Variants in BCAS3 observed in about 807,000 individuals in gnomAD.
The protein encoded by BCAS3 is BCAS4/BCAS3 fusion.
A neutral mutation model predicts 116.1 loss-of-function variants in BCAS3; 53 were observed. The ratio of observed to expected loss-of-function variants is 0.46; its 90% CI spans 0.37 to 0.57. The LOEUF (loss-of-function observed/expected upper bound fraction) is 0.57. Among genes scored for constraint, BCAS3 ranks in the 20% least tolerant of loss-of-function variants. BCAS3 has a pLI of 0.00. For synonymous variants in BCAS3, 391 were observed against 408.2 expected (o/e 0.96, Z 0.51); for missense variants, 917 against 1,165.4 (o/e 0.79, Z 3.10).
chr17:60,785,422 G>C (rs1270842997), intron 6 of BCAS3, among the ~76,000 whole-genome samples: 1 of 152,140 alleles, frequency 6.6e-6, no homozygotes. Context: ...GCCTCCCAAA[G>C]TGCTGGGATT....
Position 61,186,377 on chromosome 17 carries a change from A to C in BCAS3, c.2425+101813A>C, listed in dbSNP as rs185159260. Reference sequence around the variant, plus strand: ...TATAAATGTATACTGCTTAACGAAAACATTTTTAACCTGTGTGTTGATTTT... The same window carrying C: ...TATAAATGTATACTGCTTAACGAAACCATTTTTAACCTGTGTGTTGATTTT... On this transcript the variant is annotated intron_variant, in intron 22 of 23. Transcript: ENST00000407086. This position sits in a 1 kb window ranked among gnomAD's most constrained non-coding sequence, Gnocchi z 4.9. Among the ~76,000 whole-genome samples, 2 of 152,242 alleles carry C rather than the reference A, an allele frequency of 1.3e-5. 1 individual carries two copies. The highest frequency in any genetic ancestry group is 1.3e-4 in the Admixed American group (2 of 15,300).
rs2075625093 is a variant in BCAS3, at chr17:61,118,729, AAG to A, written c.2425+34172_2425+34173del. ...GCTACACATTCCTGTTTTTTTTGGC[AAG>A]AGAGAGCAGCCTTTTGTTGTGACAA... On this transcript the variant is annotated intron_variant, in intron 22 of 23. Transcript: ENST00000407086. The surrounding 1 kb of genome is among the most constrained non-coding windows in gnomAD (Gnocchi z 5.0). 1.3e-5 allele frequency among the ~76,000 whole-genome samples: 2 copies of A among 152,060 alleles called. No homozygotes were observed. Among genetic ancestry groups the A allele is most frequent in the African/African-American group, 2.4e-5 (1 of 41,390 alleles).
rs1313908404 is a variant in BCAS3 at position 61,241,052 on chromosome 17, G to C, written c.2426-127275G>C. On this transcript the variant is annotated intron_variant, in intron 22 of 23. Coordinates refer to ENST00000407086, the MANE Select transcript of BCAS3 (RefSeq NM_017679.5). The surrounding 1 kb of genome is among the most constrained non-coding windows in gnomAD (Gnocchi z 4.6). ...ACCTTCTAGAGCTTCCGCCCCCTCA[G>C]TTCTCACTCTCCATCACTTACCCTT... is the stretch of plus-strand genomic sequence containing the variant. Among the ~76,000 whole-genome samples, 1 of 152,178 alleles carries C rather than the reference G, an allele frequency of 6.6e-6. No homozygotes were observed. The highest frequency in any genetic ancestry group is 1.9e-4 in the East Asian group (1 of 5,194).
At chr17:61,067,438 G>T (rs1374939214) in intron 19 of BCAS3, among the ~76,000 whole-genome samples, 1 of 150,162 alleles carries the variant, frequency 6.7e-6, no homozygotes, top group Non-Finnish European at 1.5e-5. Flanking sequence ...ATATAAATAG[G>T]CTGAACACAG....
chr17:61,384,106 C>A (rs988467735), intron 23 of BCAS3, among the ~76,000 whole-genome samples: 18 of 152,234 alleles, frequency 1.2e-4, no homozygotes, highest in Non-Finnish European at 1.8e-4. Context: ...CCAGGCCCCC[C>A]ATTGGCATCC....
At chr17:61,127,317 T>C (rs1352187556) in intron 22 of BCAS3, among the ~76,000 whole-genome samples, 1 of 152,116 alleles carries the variant, frequency 6.6e-6, no homozygotes, top group Admixed American at 6.6e-5. Flanking sequence ...TGAGTTATTC[T>C]AGGTAACCAT....
chr17:61,166,624 C>T (rs187473338), intron 22 of BCAS3, among the ~76,000 whole-genome samples: 55 of 152,234 alleles, frequency 3.6e-4, no homozygotes, highest in African/African-American at 1.3e-3. Context: ...TCTCGAACTC[C>T]TGACCTCAAG....
At position 61,124,080 on chromosome 17, in the gene BCAS3, A is replaced by G. The variant is rs1568404530; in HGVS notation, c.2425+39516A>G. On this transcript the variant is annotated intron_variant, in intron 22 of 23. Transcript: ENST00000407086. The surrounding 1 kb of genome is among the most constrained non-coding windows in gnomAD (Gnocchi z 4.6). ...ACTTGTATCTAGGAGAGAGATATAT[A>G]TATATACATATATATGTTTTTATTA... 1.3e-5 allele frequency among the ~76,000 whole-genome samples: 2 copies of G among 152,008 alleles called. No homozygotes were observed. The highest frequency in any genetic ancestry group is 6.6e-5 in the Admixed American group (1 of 15,264).
chr17:61,348,339 G>C lies in BCAS3; in HGVS notation c.2426-19988G>C, dbSNP rs1018267053. Among the ~76,000 whole-genome samples, 2 of 152,172 alleles carry C rather than the reference G, an allele frequency of 1.3e-5. No homozygotes were observed. Among genetic ancestry groups the C allele is most frequent in the Non-Finnish European group, 2.9e-5 (2 of 68,028 alleles). On this transcript the variant is annotated intron_variant, in intron 22 of 23. Coordinates refer to ENST00000407086, the MANE Select transcript of BCAS3 (RefSeq NM_017679.5). The surrounding 1 kb of genome is among the most constrained non-coding windows in gnomAD (Gnocchi z 4.5). The stretch of plus-strand genomic sequence containing the variant: ...AGATGTTGAGTTGGAGGTGCCTGTG[G>C]AACATCCAAGTGAGGGTGCTTGGTC...
intron 22 of BCAS3, among the ~76,000 whole-genome samples, chr17:61,172,216 G>A (rs371763219): frequency 2.7e-4 from 41 of 152,236 alleles, no homozygotes; most frequent in African/African-American, 9.4e-4. Context: ...CAGCAAGAAG[G>A]AGATAGAATA....
At chr17:61,078,236 TGAAGAATGTGGGTGTTAAGAG>T in intron 20 of BCAS3, 76 bp from the exon 21 acceptor site, 1 of 946,540 alleles carries the variant, frequency 1.1e-6, no homozygotes, top group South Asian at 1.7e-5. Flanking sequence ...ATGGGCTTCT[TGAAGAATGTGGGTGTTAAGAG>T]GAAGAATGGG....
chr17:61,288,461 A>G (rs1336124226), intron 22 of BCAS3, among the ~76,000 whole-genome samples: 2 of 152,188 alleles, frequency 1.3e-5, no homozygotes, highest in Non-Finnish European at 2.9e-5. Flanking sequence ...CATCTCTGCT[A>G]TAGATTGTCC....
rs1601862002 is a variant in BCAS3, at chr17:61,199,125, C to A, written c.2425+114561C>A. On this transcript the variant is annotated intron_variant, in intron 22 of 23. Transcript: ENST00000407086. The surrounding 1 kb of genome is among the most constrained non-coding windows in gnomAD (Gnocchi z 4.6). Reference sequence around the variant, plus strand: ...TGTATCTTTGTTTTATATTTTTTAACCTTTTCCAATCCTTAATACATTTGT... The same window carrying A: ...TGTATCTTTGTTTTATATTTTTTAAACTTTTCCAATCCTTAATACATTTGT... Among the ~76,000 whole-genome samples the A allele has an allele frequency of 6.6e-6, 1 of 152,152 alleles. No individual in the cohort carries two copies. Among genetic ancestry groups the A allele is most frequent in the Non-Finnish European group, 1.5e-5 (1 of 68,036 alleles).
chr17:61,267,817 G>A (rs543942616), intron 22 of BCAS3, among the ~76,000 whole-genome samples: 1 of 152,022 alleles, frequency 6.6e-6, no homozygotes, highest in African/African-American at 2.4e-5. Flanking sequence ...GTGTAAGAAA[G>A]GACCATGTGA....
At position 61,116,033 on chromosome 17, in the gene BCAS3, T is replaced by C. The variant is rs1601366892; in HGVS notation, c.2425+31469T>C. ...GCATATTCTCACTCATAGGTGGGAA[T>C]TGAACAATGAGATCACATGGACACA... On this transcript the variant is annotated intron_variant, in intron 22 of 23. Coordinates refer to ENST00000407086, the MANE Select transcript of BCAS3 (RefSeq NM_017679.5). Among the ~76,000 whole-genome samples the C allele has an allele frequency of 2.1e-5, 3 of 143,956 alleles. No homozygotes were observed. In the South Asian group the frequency reaches 6.6e-4, roughly 32 times the overall value. 94.4% of individuals were successfully genotyped at this position (143,956 alleles called of 152,430 possible). A position where few individuals can be genotyped will look rare whatever the true frequency, so the allele number is the denominator to read the frequency against.
Position 61,367,124 on chromosome 17 carries a change from C to T in BCAS3, c.2426-1203C>T, listed in dbSNP as rs139445313. The stretch of plus-strand genomic sequence containing the variant: ...ACTGCCTGGCGAAGATAGTTTCTGA[C>T]GGCTGATCAAAGAGGAGAAGCAAGG... On this transcript the variant is annotated intron_variant, in intron 22 of 23. Coordinates refer to ENST00000407086, the MANE Select transcript of BCAS3 (RefSeq NM_017679.5). The surrounding 1 kb of genome is among the most constrained non-coding windows in gnomAD (Gnocchi z 6.2). 2.9e-3 allele frequency among the ~76,000 whole-genome samples: 436 copies of T among 152,312 alleles called. 4 individuals are homozygous for T. The highest frequency in any genetic ancestry group is 4.1e-3 in the Admixed American group (63 of 15,298).
At position 61,095,947 on chromosome 17, in the gene BCAS3, A is replaced by G. The variant is rs551260044; in HGVS notation, c.2425+11383A>G. 3.3e-5 allele frequency among the ~76,000 whole-genome samples: 5 copies of G among 152,272 alleles called. No homozygotes were observed. Among genetic ancestry groups the G allele is most frequent in the African/African-American group, 4.8e-5 (2 of 41,552 alleles). On this transcript the variant is annotated intron_variant, in intron 22 of 23. Coordinates refer to ENST00000407086, the MANE Select transcript of BCAS3 (RefSeq NM_017679.5). This position sits in a 1 kb window ranked among gnomAD's most constrained non-coding sequence, Gnocchi z 4.7. The stretch of plus-strand genomic sequence containing the variant: ...TGGATTGGGATTTCATTGAATCTGT[A>G]TATCAAATTTGGAAGTATTGACATC...
intron 22 of BCAS3, among the ~76,000 whole-genome samples, chr17:61,232,200 G>GAAAAAAAA (rs71148394): frequency 1.7e-4 from 12 of 72,436 alleles, no homozygotes; most frequent in Non-Finnish European, 2.8e-4. Flanking sequence ...GAAAGACTCC[G>GAAAAAAAA]AAAAAAAAAA....
chr17:61,305,146 G>A (rs917674063), intron 22 of BCAS3, among the ~76,000 whole-genome samples: 10 of 152,128 alleles, frequency 6.6e-5, no homozygotes, highest in African/African-American at 2.4e-4. Flanking sequence ...TTTGTATAGG[G>A]CTCTATCCCT....
Sources: gnomAD v4.1 joint callset for allele counts (sites outside exome capture counted in the v4.1 genomes callset) on GRCh38, gnomAD v4.1.1 for gene constraint, Gnocchi (gnomAD v3.1) non-coding constraint, MANE v1.5 for transcripts, NCBI Gene and HGNC (gene_info 2026-07-23, HGNC 2026-07-21) for gene names.